Variants in PRELID2 observed in about 807,000 individuals in gnomAD.
PRELID2 encodes the protein PRELI domain containing 2, also known as PRELI domain-containing protein 2.
PRELID2 carries 25 observed loss-of-function variants against 28.4 expected under a neutral mutation model. The ratio of observed to expected loss-of-function variants is 0.88; its 90% CI spans 0.64 to 1.23. The LOEUF (loss-of-function observed/expected upper bound fraction) is 1.23, where lower values mean the gene tolerates loss of function less well. PRELID2 is among the 50% of genes most tolerant of loss of function. The pLI is 0.00. For synonymous variants in PRELID2, 76 were observed against 71.6 expected, an observed-to-expected ratio of 1.06 and a Z score of -0.31; for missense variants, 201 against 214.4, an observed-to-expected ratio of 0.94 and a Z score of 0.39.
chr5:145,551,437 T>TAAATAAATAAAC (rs1009723196), intron 1 of PRELID2, among the ~76,000 whole-genome samples: 1 of 142,298 alleles, frequency 7.0e-6, no homozygotes, highest in African/African-American at 2.5e-5. Flanking sequence ...AATAAATAAA[T>TAAATAAATAAAC]AAACCTGCTT....
chr5:145,645,603 T>C (rs1179124916), intron 1 of PRELID2, among the ~76,000 whole-genome samples: 2 of 152,102 alleles, frequency 1.3e-5, no homozygotes, highest in African/African-American at 4.8e-5. Context: ...TTTTGCCCGT[T>C]AGTTGATGCA....
At chr5:145,364,758 A>G in the PRELID2 span, among the ~76,000 whole-genome samples, 1 of 152,008 alleles carries the variant, frequency 6.6e-6, no homozygotes, top group Non-Finnish European at 1.5e-5. Context: ...ACCAAATTAC[A>G]TAGTATCTTA....
chr5:145,632,840 T>C (rs1753950844), intron 1 of PRELID2, among the ~76,000 whole-genome samples: 1 of 152,098 alleles, frequency 6.6e-6, no homozygotes, highest in Non-Finnish European at 1.5e-5. Flanking sequence ...TTTGAGTTAA[T>C]AAAAAAGAAG....
chr5:145,433,209 A>G, the PRELID2 span, among the ~76,000 whole-genome samples: 62,863 of 151,964 alleles, frequency 0.41, 13,342 homozygotes, highest in Admixed American at 0.49. Flanking sequence ...ATTATTTTTA[A>G]TGACAAAAGG....
intron 1 of PRELID2, among the ~76,000 whole-genome samples, chr5:145,717,091 G>C (rs540086128): frequency 6.6e-6 from 1 of 152,190 alleles, no homozygotes; most frequent in African/African-American, 2.4e-5. Flanking sequence ...TAAGTGAAAA[G>C]AGAATCAGAA....
chr5:145,564,614 C>T (rs1183516146), intron 1 of PRELID2, among the ~76,000 whole-genome samples: 1 of 152,232 alleles, frequency 6.6e-6, no homozygotes, highest in East Asian at 1.9e-4. Flanking sequence ...ATTTATATTG[C>T]CATTTTATCC....
At chr5:145,592,549 T>C (rs533739075) in intron 1 of PRELID2, among the ~76,000 whole-genome samples, 163 of 152,276 alleles carry the variant, frequency 1.1e-3, no homozygotes, top group Middle Eastern at 3.4e-3. Context: ...TAGACAAGTG[T>C]GCAAAATCTG....
At chr5:145,258,367 T>C in the PRELID2 span, among the ~76,000 whole-genome samples, 17 of 152,138 alleles carry the variant, frequency 1.1e-4, no homozygotes, top group Admixed American at 1.1e-3. Flanking sequence ...TGGAACATCT[T>C]AGAGACTGGT....
rs547618500 is a variant in PRELID2, at chr5:145,639,137, C to G, written n.70+125794G>C. Among the ~76,000 whole-genome samples the G allele has an allele frequency of 2.2e-4, 34 of 152,254 alleles. 1 individual carries two copies. In the Middle Eastern group the frequency reaches 0.024, roughly 107 times the overall value. On this transcript the variant is annotated intron_variant and non_coding_transcript_variant, in intron 1 of 2. Coordinates refer to the PRELID2 transcript ENST00000510259. ...GCTTTAGAAGACCACTTACAAAGGT[C>G]CCTACAGAGCAGGTTTCAAACTGTA...
chr5:145,258,620 C>T, the PRELID2 span, among the ~76,000 whole-genome samples: 2 of 152,146 alleles, frequency 1.3e-5, no homozygotes, highest in African/African-American at 4.8e-5. Flanking sequence ...CAAGATGTCA[C>T]CTGGGTGCTT....
chr5:145,496,350 T>C (rs1483721611), intron 1 of PRELID2, among the ~76,000 whole-genome samples: 1 of 152,072 alleles, frequency 6.6e-6, no homozygotes, highest in Non-Finnish European at 1.5e-5. Flanking sequence ...ACAAGAGATA[T>C]AAACTTGTAG....
At chr5:145,564,845 A>C (rs961585499) in intron 1 of PRELID2, among the ~76,000 whole-genome samples, 5 of 152,198 alleles carry the variant, frequency 3.3e-5, no homozygotes, top group Non-Finnish European at 7.3e-5. Context: ...TTTATTCCCA[A>C]AATGAGAAAG....
At chr5:145,783,176 G>A (rs940982560) in intron 5 of PRELID2, among the ~76,000 whole-genome samples, 5 of 152,284 alleles carry the variant, frequency 3.3e-5, no homozygotes, top group African/African-American at 9.6e-5. Context: ...AGAAGGCAAC[G>A]TCCCAGAATT....
chr5:145,328,531 C>T, the PRELID2 span, among the ~76,000 whole-genome samples: 4 of 152,148 alleles, frequency 2.6e-5, no homozygotes, highest in Non-Finnish European at 5.9e-5. Flanking sequence ...TCTCTAATGA[C>T]CAGTGATGAT....
chr5:145,236,920 A>G, the PRELID2 span, among the ~76,000 whole-genome samples: 2 of 152,280 alleles, frequency 1.3e-5, no homozygotes, highest in Middle Eastern at 6.8e-3. Context: ...GTAAACCTCC[A>G]TAATTGAGAC....
intron 1 of PRELID2, among the ~76,000 whole-genome samples, chr5:145,478,180 A>C (rs1379174215): frequency 6.6e-6 from 1 of 152,172 alleles, no homozygotes; most frequent in East Asian, 1.9e-4. Context: ...GACTTTGGAC[A>C]CTTGGATGTG....
chr5:145,452,110 C>A, the PRELID2 span, among the ~76,000 whole-genome samples: 2 of 152,278 alleles, frequency 1.3e-5, no homozygotes, highest in East Asian at 3.9e-4. Context: ...AATTCCCAGA[C>A]ATATCCTTCT....
At chr5:145,781,162 TG>T (rs1751556599) in intron 5 of PRELID2, among the ~76,000 whole-genome samples, 1 of 151,792 alleles carries the variant, frequency 6.6e-6, no homozygotes, top group African/African-American at 2.4e-5. Context: ...TATCTTAGAG[TG>T]GGGAGCCAGG....
At chr5:145,300,384 G>A in the PRELID2 span, among the ~76,000 whole-genome samples, 4 of 151,966 alleles carry the variant, frequency 2.6e-5, no homozygotes, top group Non-Finnish European at 4.4e-5. Context: ...TACTCCATTA[G>A]TATTGTTTCT....
Sources: allele counts gnomAD v4.1 joint callset (sites outside exome capture counted in the v4.1 genomes callset), GRCh38; gene constraint gnomAD v4.1.1; transcripts MANE v1.5; gene names NCBI Gene and HGNC (gene_info 2026-07-23, HGNC 2026-07-21).